TUBGCP6: variants seen among roughly 807,000 people sequenced by gnomAD.
TUBGCP6 encodes tubulin gamma complex component 6, also known as gamma-tubulin complex component 6.
TUBGCP6 carries 161 observed loss-of-function variants against 175.8 expected under a neutral mutation model. The observed-to-expected ratio is 0.92, with a 90% CI of 0.81 to 1.04. TUBGCP6 has a LOEUF of 1.04. Among genes scored for constraint, TUBGCP6 ranks in the 50% least tolerant of loss-of-function variants. TUBGCP6 has a pLI of 0.00. For synonymous variants in TUBGCP6, 1,173 were observed against 1,030.5 expected, an observed-to-expected ratio of 1.14 and a Z score of -2.65; for missense variants, 2,572 against 2,433.0, an observed-to-expected ratio of 1.06 and a Z score of -1.20.
intron 1 of TUBGCP6, 60 bp from the exon 2 acceptor site, chr22:50,240,427 G>T: frequency 1.3e-6 from 2 of 1,594,020 alleles, no homozygotes; most frequent in Non-Finnish European, 8.6e-7. Context: ...TCATCCAAGG[G>T]CGATGAGAAT....
At position 50,220,950 on chromosome 22, in the gene TUBGCP6, C is replaced by T. The variant is rs202000654; in HGVS notation, c.3409G>A (p.Val1137Met). 2.3e-4 allele frequency: 376 copies of T among 1,606,518 alleles called. No homozygotes were observed. Among genetic ancestry groups the T allele is most frequent in the Non-Finnish European group, 3.0e-4 (347 of 1,175,680 alleles). Reference sequence around the variant, plus strand: ...CCAACCCTGATGCTGGCGTTGGACACGTGCCCGTGGGTATTCCACCGTGGC... The same window carrying T: ...CCAACCCTGATGCTGGCGTTGGACATGTGCCCGTGGGTATTCCACCGTGGC... ...TRPRWNTHGH[V>M]SNASIRVGEN... The change falls in exon 16 of 25, where the codon GTG (valine) becomes ATG (methionine). Residue 1137 changes from valine to methionine, a missense_variant. By Grantham distance (21) the Val-to-Met change is conservative. Coordinates refer to ENST00000248846, the MANE Select transcript of TUBGCP6 (RefSeq NM_020461.4).
In TUBGCP6 at chr22:50,221,074, T is replaced by C; in HGVS notation, c.3285A>G (p.Ser1095=). 6.2e-7 allele frequency: 1 copy of C among 1,609,270 alleles called. No individual in the cohort carries two copies. The highest frequency in any genetic ancestry group is 8.5e-7 in the Non-Finnish European group (1 of 1,179,102). ...NASISLGESV[S]DVAPTRPRWN... is the part of the protein sequence containing the mutation. ...ACCGTGGCCGAGTGGGAGCCACATC[T>C]GACACAGACTCCCCTAAGCTGATGC... is the stretch of plus-strand genomic sequence containing the variant. Residue 1095 remains serine, a synonymous_variant, in exon 16 of 25, where the codon TCA becomes TCG. Transcript: ENST00000248846.
At position 50,227,684 on chromosome 22, in the gene TUBGCP6, C is replaced by T. The variant is rs188370549; in HGVS notation, c.1412+223G>A. On this transcript the variant is annotated intron_variant, in intron 5 of 24. Coordinates refer to ENST00000248846, the MANE Select transcript of TUBGCP6 (RefSeq NM_020461.4). ...GCCAATTAGGCAGGAGCCACCGGAC[C>T]TGGAGGGCCTGGATGGGGCCAGCTG... 5.4e-3 allele frequency among the ~76,000 whole-genome samples: 822 copies of T among 152,354 alleles called. 3 individuals are homozygous for T. Among genetic ancestry groups the T allele is most frequent in the Non-Finnish European group, 8.3e-3 (565 of 68,032 alleles).
rs2064895427 is a variant in TUBGCP6, at chr22:50,244,601, G to A, written c.-142C>T. 2.2e-6 allele frequency: 3 copies of A among 1,333,396 alleles called. No individual in the cohort carries two copies. Among genetic ancestry groups the A allele is most frequent in the South Asian group, 3.1e-5 (2 of 64,652 alleles). 82.6% of individuals were successfully genotyped at this position (1,333,396 alleles called of 1,614,324 possible). ...TCTCCAATGCCGAAGCTCAGAACTGGTATTTTTTAAAGGAGGTCTTGCGGT... is the reference window on the plus strand; with the variant it reads ...TCTCCAATGCCGAAGCTCAGAACTGATATTTTTTAAAGGAGGTCTTGCGGT... On this transcript the variant is annotated 5_prime_UTR_variant, in exon 1 of 25. Coordinates refer to ENST00000248846, the MANE Select transcript of TUBGCP6 (RefSeq NM_020461.4).
At chr22:50,219,891 G>C in intron 17 of TUBGCP6, 66 bp downstream of exon 17, 1 of 1,604,810 alleles carries the variant, frequency 6.2e-7, no homozygotes, top group South Asian at 1.1e-5. Context: ...ACCCACCCGC[G>C]TGACAACCTA....
In TUBGCP6 at chr22:50,225,864, T is replaced by A; in HGVS notation, c.1913A>T (p.Lys638Met). 1 of 1,613,690 alleles carries A rather than the reference T, an allele frequency of 6.2e-7. No individual in the cohort carries two copies. Among genetic ancestry groups the A allele is most frequent in the Non-Finnish European group, 8.5e-7 (1 of 1,179,936 alleles). ...GCGCCCAACGTAGACGGCACAGTCC[T>A]TCTCAATCTCCTTCAACTCCTCAAG... ...FSLEELKEIEKDCAVYVGRME... is the reference protein window; with the variant it reads ...FSLEELKEIEMDCAVYVGRME... The change falls in exon 10 of 25, where the codon AAG (lysine) becomes ATG (methionine). Residue 638 changes from lysine (K) to methionine (M), a missense_variant. By Grantham distance (95) the Lys-to-Met change is moderately conservative. Transcript: ENST00000248846.
In TUBGCP6 at chr22:50,244,364, C is replaced by T. The variant is rs749162786; in HGVS notation, c.96G>A (p.Arg32=). 8.7e-6 allele frequency: 14 copies of T among 1,613,290 alleles called. No individual in the cohort carries two copies. The highest frequency in any genetic ancestry group is 1.2e-5 in the Non-Finnish European group (14 of 1,180,042). ...CCACCTTCTTGAGGCTCCGCTTTGC[C>T]CTCTTCCGGTTCACACTGCGCTGGC... ...HLGQRSVNRK[R]AKRSLKKVAY... The change falls in exon 1 of 25, where the codon AGG becomes AGA. Residue 32 remains arginine, a synonymous_variant. Transcript: ENST00000248846.
rs2064475705 is a variant in TUBGCP6, at chr22:50,219,383, G to C, written c.4389C>G (p.Val1463=). ...RAFAFPVDPQ[V]QSAADETAVQ... The stretch of plus-strand genomic sequence containing the variant: ...CAGCAGTCTCATCAGCGGCAGACTG[G>C]ACCTGGGGGTCCACGGGGAAGGCGA... The change falls in exon 19 of 25, where the codon GTC becomes GTG. Residue 1463 remains valine, a synonymous_variant. Coordinates refer to ENST00000248846, the MANE Select transcript of TUBGCP6 (RefSeq NM_020461.4). 1 of 1,579,140 alleles carries C rather than the reference G, an allele frequency of 6.3e-7. No homozygotes were observed. The highest frequency in any genetic ancestry group is 8.6e-7 in the Non-Finnish European group (1 of 1,163,438).
chr22:50,236,001 G>C (rs1285839339), intron 2 of TUBGCP6, among the ~76,000 whole-genome samples: 1 of 151,470 alleles, frequency 6.6e-6, no homozygotes, highest in Non-Finnish European at 1.5e-5. Context: ...AGAGTTTCCT[G>C]CAGACTTGCT....
At chr22:50,223,935 C>T (rs976596669) in intron 13 of TUBGCP6, 7 of 586,682 alleles carry the variant, frequency 1.2e-5, no homozygotes, top group Admixed American at 6.0e-5. Flanking sequence ...ATACAAACCA[C>T]CACAAGACAA....
chr22:50,224,685 T>A, intron 10 of TUBGCP6, 93 bp from the exon 11 acceptor site: 1 of 1,241,956 alleles, frequency 8.1e-7, no homozygotes, highest in Non-Finnish European at 1.2e-6. Context: ...GGTGGGTAGA[T>A]CACATGAGCT....
At chr22:50,230,783 A>AT (rs2147196135) in intron 3 of TUBGCP6, among the ~76,000 whole-genome samples, 1 of 150,760 alleles carries the variant, frequency 6.6e-6, no homozygotes, top group African/African-American at 2.4e-5. Flanking sequence ...AAAAAAAAAA[A>AT]AGAAAGAAAA....
rs369253656 is a variant in TUBGCP6 at position 50,219,407 on chromosome 22, G to A, written c.4365C>T (p.Phe1455=). 7.1e-5 allele frequency: 111 copies of A among 1,571,138 alleles called. No individual in the cohort carries two copies. In the African/African-American group the frequency reaches 9.1e-4, roughly 13 times the overall value. ...HLLRPVLPRA[F]AFPVDPQVQS... The stretch of plus-strand genomic sequence containing the variant: ...GGACCTGGGGGTCCACGGGGAAGGC[G>A]AAGGCCCGGGGAAGCACGGGGCGCA... Residue 1455 remains phenylalanine, a synonymous_variant, in exon 19 of 25, where the codon TTC becomes TTT. Transcript: ENST00000248846.
At chr22:50,224,279 C>A (rs1437767810) in intron 12 of TUBGCP6, 23 bp from the exon 13 acceptor site, 3 of 1,614,070 alleles carry the variant, frequency 1.9e-6, no homozygotes, top group Non-Finnish European at 2.5e-6. Context: ...TAGAGCCTGG[C>A]CTGTGAAATC....
chr22:50,222,669 T>C, intron 13 of TUBGCP6, 77 bp from the exon 14 acceptor site: 4 of 1,576,746 alleles, frequency 2.5e-6, no homozygotes, highest in Non-Finnish European at 3.4e-6. Context: ...CAGGCCAGGA[T>C]GGTTCTCCAT....
At chr22:50,233,623 TG>T in intron 2 of TUBGCP6, 97 bp from the exon 3 acceptor site, 2 of 1,182,072 alleles carry the variant, frequency 1.7e-6, no homozygotes, top group South Asian at 2.8e-5. Context: ...AACAGAAGAA[TG>T]GAAGTGATTC....
chr22:50,221,457 C>G lies in TUBGCP6; in HGVS notation c.2902G>C (p.Gly968Arg), dbSNP rs760005984. 6.3e-7 allele frequency: 1 copy of G among 1,594,626 alleles called. No individual in the cohort carries two copies. The highest frequency in any genetic ancestry group is 1.1e-5 in the South Asian group (1 of 89,288). The change falls in exon 16 of 25, where the codon GGG becomes CGG. Residue 968 changes from glycine to arginine, a missense_variant. Transcript: ENST00000248846. ...RPAVATSPAP[G>R]PLQAAECSLG... Reference sequence around the variant, plus strand: ...CTGCACTCTGCAGCCTGCAGGGGCCCTGGTGCAGGTGAGGTGGCCACAGCT... The same window carrying G: ...CTGCACTCTGCAGCCTGCAGGGGCCGTGGTGCAGGTGAGGTGGCCACAGCT...
chr22:50,233,584 C>T, intron 2 of TUBGCP6, 58 bp from the exon 3 acceptor site: 1 of 1,505,630 alleles, frequency 6.6e-7, no homozygotes, highest in Non-Finnish European at 9.0e-7. Context: ...ACCTCAGCAC[C>T]AGGGTGCTTT....
At chr22:50,232,281 G>A (rs550468041) in intron 3 of TUBGCP6, among the ~76,000 whole-genome samples, 80 of 151,678 alleles carry the variant, frequency 5.3e-4, no homozygotes, top group Admixed American at 1.8e-3. Context: ...CAGGAGAATT[G>A]CTTGAACCCG....
Sources: gnomAD v4.1 joint callset for allele counts (sites outside exome capture counted in the v4.1 genomes callset) on GRCh38, gnomAD v4.1.1 for gene constraint, MANE v1.5 for transcripts, NCBI Gene and HGNC (gene_info 2026-07-23, HGNC 2026-07-21) for gene names.